Variants in RSL1D1 observed in about 807,000 individuals in gnomAD.
RSL1D1 encodes ribosomal L1 domain containing 1.
Under a neutral mutation model 44.6 loss-of-function variants are expected in RSL1D1, and 34 were observed. The ratio of observed to expected loss-of-function variants is 0.76; its 90% CI spans 0.58 to 1.02. The LOEUF (loss-of-function observed/expected upper bound fraction) is 1.02, where lower values mean the gene tolerates loss of function less well. Ranked by LOEUF, RSL1D1 falls within the 50% of genes least tolerant of loss-of-function variation. The probability of loss-of-function intolerance (pLI) is 0.00; values close to 1 mark genes in which losing one functional copy is unlikely to be tolerated. For missense variants in RSL1D1, 767 were observed against 568.1 expected (o/e 1.35, Z -3.56); for synonymous variants, 271 against 207.4 (o/e 1.31, Z -2.63).
intron 2 of RSL1D1, among the ~76,000 whole-genome samples, chr16:11,849,950 C>A (rs550324479): frequency 4.6e-5 from 7 of 152,298 alleles, no homozygotes; most frequent in Admixed American, 3.9e-4. Flanking sequence ...GCCTCAGCCT[C>A]CCGAGTAGCT....
In RSL1D1 at chr16:11,838,044, T is replaced by C; in HGVS notation, c.1216A>G (p.Lys406Glu). ...SPNPSTPRGK[K>E]RKALPASETP... ...TCAGATGCTGGCAAAGCCTTTCTTT[T>C]CTTCCCACGAGGTGTGCTGGGATTA... is the stretch of plus-strand genomic sequence containing the variant. Residue 406 changes from lysine to glutamate, a missense_variant, in exon 9 of 9, where the codon AAA (lysine) becomes GAA (glutamate). Physicochemically the swap from Lys to Glu is moderately conservative, Grantham distance 56 (BLOSUM62 1). Transcript: ENST00000571133. 1.9e-6 allele frequency: 3 copies of C among 1,613,852 alleles called. No homozygotes were observed. The highest frequency in any genetic ancestry group is 2.5e-6 in the Non-Finnish European group (3 of 1,179,980).
At chr16:11,846,946 G>C in intron 3 of RSL1D1, 103 bp from the exon 4 acceptor site, 5 of 1,007,176 alleles carry the variant, frequency 5.0e-6, no homozygotes, top group Non-Finnish European at 7.5e-6. Context: ...ATGTCCTAGA[G>C]CCATGCCTCT....
At chr16:11,842,497 G>A (rs987794762) in intron 5 of RSL1D1, among the ~76,000 whole-genome samples, 5 of 150,986 alleles carry the variant, frequency 3.3e-5, no homozygotes, top group Admixed American at 1.3e-4. Context: ...CTCAGCCTCC[G>A]GAGTAGCTGG....
intron 8 of RSL1D1, 65 bp downstream of exon 8, chr16:11,839,630 A>T: frequency 6.3e-7 from 1 of 1,583,030 alleles, no homozygotes; most frequent in Non-Finnish European, 8.6e-7. Context: ...TGCTCAGCAC[A>T]GTACCTGCCT....
chr16:11,847,150 TG>T lies in RSL1D1; in HGVS notation c.385-308del, dbSNP rs544405577. 7.9e-4 allele frequency among the ~76,000 whole-genome samples: 120 copies of T among 152,158 alleles called. No individual in the cohort carries two copies. In the South Asian group the frequency reaches 0.024, roughly 31 times the overall value. On this transcript the variant is annotated intron_variant, in intron 3 of 8. Coordinates refer to ENST00000571133, the MANE Select transcript of RSL1D1 (RefSeq NM_015659.3). Reference sequence around the variant, plus strand: ...TAGCCCTTTGGGAGGCCGAGGTGGGTGGATCACCTGAGCTCAGGAATTCAAG... The same window carrying T: ...TAGCCCTTTGGGAGGCCGAGGTGGGTGATCACCTGAGCTCAGGAATTCAAG...
rs751349247 is a variant in RSL1D1, at chr16:11,839,958, T to G, written c.883A>C (p.Asn295His). 1.9e-6 allele frequency: 3 copies of G among 1,612,550 alleles called. No homozygotes were observed. The highest frequency in any genetic ancestry group is 2.5e-6 in the Non-Finnish European group (3 of 1,179,508). The change falls in exon 8 of 9, where the codon AAT becomes CAT. Residue 295 changes from asparagine (N) to histidine (H), a missense_variant. Coordinates refer to ENST00000571133, the MANE Select transcript of RSL1D1 (RefSeq NM_015659.3). ...TTCCTCTCCTTTTGTTTTTCAAAAT[T>G]TCTTTCTCTTCGTTTTCTCCTTGCC... Reference protein sequence around the residue: ...KEARRKRRERNFEKQKERKKK... With the variant: ...KEARRKRRERHFEKQKERKKK...
chr16:11,847,902 A>C, intron 2 of RSL1D1, 96 bp from the exon 3 acceptor site: 1 of 1,302,280 alleles, frequency 7.7e-7, no homozygotes, highest in South Asian at 1.3e-5. Context: ...AGTGTTATTT[A>C]AATAACTTTT....
chr16:11,848,571 C>T (rs1026277769), intron 2 of RSL1D1, among the ~76,000 whole-genome samples: 3 of 152,176 alleles, frequency 2.0e-5, no homozygotes, highest in African/African-American at 7.2e-5. Context: ...GTACCCAAGG[C>T]TGCAGTGCAG....
In RSL1D1 at chr16:11,841,959, A is replaced by C; in HGVS notation, c.677T>G (p.Ile226Ser). 6.2e-7 allele frequency: 1 copy of C among 1,614,028 alleles called. No individual in the cohort carries two copies. The highest frequency in any genetic ancestry group is 8.5e-7 in the Non-Finnish European group (1 of 1,179,972). The change falls in exon 6 of 9, where the codon ATC becomes AGC. Residue 226 changes from isoleucine (I) to serine (S), a missense_variant. Physicochemically the swap from Ile to Ser is moderately radical, Grantham distance 142. Coordinates refer to ENST00000571133, the MANE Select transcript of RSL1D1 (RefSeq NM_015659.3). ...IGHVGMQIEH[I>S]IENIVAVTKG... ...GGTGACAGCAACAATGTTTTCAATG[A>C]TGTGCTCAATTTGCATTCCAACGTG...
At chr16:11,840,990 G>A (rs1461830104) in intron 7 of RSL1D1, among the ~76,000 whole-genome samples, 1 of 152,154 alleles carries the variant, frequency 6.6e-6, no homozygotes, top group African/African-American at 2.4e-5. Flanking sequence ...TGTTTCAAAT[G>A]TATATATAGC....
chr16:11,845,858 A>G (rs2053793853), intron 5 of RSL1D1, among the ~76,000 whole-genome samples: 1 of 151,810 alleles, frequency 6.6e-6, no homozygotes, highest in Admixed American at 6.6e-5. Context: ...TGTAGCTGGG[A>G]GCACAGGGAT....
intron 2 of RSL1D1, 149 bp downstream of exon 2, chr16:11,850,130 A>G (rs1306871172): frequency 5.3e-6 from 4 of 749,338 alleles, no homozygotes; most frequent in Non-Finnish European, 8.0e-6. Context: ...TCAAGCCTCT[A>G]TGGTTCTTTT....
chr16:11,834,062 T>C lies in RSL1D1; in HGVS notation c.*3725A>G, dbSNP rs1479418234. 1 of 152,124 alleles carries C rather than the reference T, an allele frequency of 6.6e-6. No homozygotes were observed. Among genetic ancestry groups the C allele is most frequent in the East Asian group, 1.9e-4 (1 of 5,190 alleles). 9.4% of individuals were successfully genotyped at this position (152,124 alleles called of 1,614,324 possible). Reference sequence around the variant, plus strand: ...TCATACTTGGCCCACGAGAACATCATATACCATAGTAGAGATTTCGCCCTC... The same window carrying C: ...TCATACTTGGCCCACGAGAACATCACATACCATAGTAGAGATTTCGCCCTC... On this transcript the variant is annotated 3_prime_UTR_variant, in exon 9 of 9. Coordinates refer to ENST00000571133, the MANE Select transcript of RSL1D1 (RefSeq NM_015659.3).
chr16:11,848,417 G>A (rs188919821), intron 2 of RSL1D1, among the ~76,000 whole-genome samples: 44 of 152,300 alleles, frequency 2.9e-4, no homozygotes, highest in Admixed American at 3.9e-4. Context: ...GTTGCTGTAT[G>A]TGCACACGTA....
intron 5 of RSL1D1, among the ~76,000 whole-genome samples, chr16:11,845,919 G>GA (rs2053794354): frequency 6.6e-6 from 1 of 151,776 alleles, no homozygotes; most frequent in Non-Finnish European, 1.5e-5. Flanking sequence ...TTGGCTGGGG[G>GA]AGAGGGTCTC....
chr16:11,845,281 C>T (rs764209794), intron 5 of RSL1D1, among the ~76,000 whole-genome samples: 41 of 152,050 alleles, frequency 2.7e-4, no homozygotes, highest in Non-Finnish European at 5.6e-4. Flanking sequence ...AGTGAGACCC[C>T]GCCGCTACAA....
At chr16:11,838,831 T>A (rs1040698134) in intron 8 of RSL1D1, among the ~76,000 whole-genome samples, 1 of 132,418 alleles carries the variant, frequency 7.6e-6, no homozygotes, top group African/African-American at 3.2e-5. Context: ...CACTCCATCC[T>A]GGGCAACAAA....
intron 7 of RSL1D1, chr16:11,841,345 C>A (rs1052259013): frequency 1.6e-5 from 3 of 183,146 alleles, no homozygotes; most frequent in Non-Finnish European, 3.5e-5. Flanking sequence ...GAGGTCAAGG[C>A]TGCCGTGAGC....
chr16:11,837,851 A>G lies in RSL1D1; in HGVS notation c.1409T>C (p.Val470Ala). The G allele has an allele frequency of 3.1e-6, 5 of 1,613,614 alleles. No individual in the cohort carries two copies. The highest frequency in any genetic ancestry group is 3.3e-4 in the Middle Eastern group (2 of 6,062). The change falls in exon 9 of 9, where the codon GTG becomes GCG. Residue 470 changes from valine (V) to alanine (A), a missense_variant. Val to Ala is a moderately conservative substitution (Grantham distance 64). Coordinates refer to ENST00000571133, the MANE Select transcript of RSL1D1 (RefSeq NM_015659.3). ...AKFFTTPSKS[V>A]RKASHTPKKW... ...TTTGGGGGTGTGGGAAGCTTTTCTC[A>G]CAGATTTACTAGGAGTGGTGAAAAA...
Sources: allele counts gnomAD v4.1 joint callset (sites outside exome capture counted in the v4.1 genomes callset), GRCh38; gene constraint gnomAD v4.1.1; transcripts MANE v1.5; gene names NCBI Gene and HGNC (gene_info 2026-07-23, HGNC 2026-07-21).